CIBAR2: variants seen among roughly 807,000 people sequenced by gnomAD.
CIBAR2 encodes the protein CBY1 interacting BAR domain containing 2, also known as CBY1-interacting BAR domain-containing protein 2.
CIBAR2 carries 38 observed loss-of-function variants against 36.2 expected under a neutral mutation model. That is an observed-to-expected ratio of 1.05 (90% CI 0.81 to 1.38). The LOEUF (loss-of-function observed/expected upper bound fraction) is 1.38. CIBAR2 is among the 40% of genes most tolerant of loss of function. The pLI is 0.00. For missense variants in CIBAR2, 481 were observed against 383.4 expected (o/e 1.25, Z -2.13); for synonymous variants, 182 against 149.5 (o/e 1.22, Z -1.58).
chr16:85,099,654 C>G (rs550779650), intron 8 of CIBAR2, among the ~76,000 whole-genome samples: 1 of 150,868 alleles, frequency 6.6e-6, no homozygotes, highest in Non-Finnish European at 1.5e-5. Context: ...GACAGAGTCT[C>G]GCTCTGTAAC....
intron 6 of CIBAR2, among the ~76,000 whole-genome samples, chr16:85,104,573 G>A (rs987325918): frequency 1.3e-5 from 2 of 152,154 alleles, no homozygotes; most frequent in Non-Finnish European, 2.9e-5. Context: ...AAAATTAGCT[G>A]GGCGTGGTGG....
Position 85,099,176 on chromosome 16 carries a change from C to T in CIBAR2, c.*9G>A. The stretch of plus-strand genomic sequence containing the variant: ...TTAAACGGCTTGGGATTGCACTTAC[C>T]CTACGTCGTTAGAGAGAATGTCCTG... On this transcript the variant is annotated 3_prime_UTR_variant, in exon 9 of 9. Transcript: ENST00000539556. 6.4e-7 allele frequency: 1 copy of T among 1,551,230 alleles called. No homozygotes were observed. The highest frequency in any genetic ancestry group is 8.7e-7 in the Non-Finnish European group (1 of 1,151,028).
At chr16:85,107,387 G>C (rs1032600914) in intron 5 of CIBAR2, among the ~76,000 whole-genome samples, 10 of 152,112 alleles carry the variant, frequency 6.6e-5, no homozygotes, top group African/African-American at 2.4e-4. Flanking sequence ...GTAGACGATG[G>C]GGATGAGGCT....
At position 85,098,537 on chromosome 16, in the gene CIBAR2, A is replaced by G; in HGVS notation, c.*648T>C. 6 of 986,148 alleles carry G rather than the reference A, an allele frequency of 6.1e-6. No individual in the cohort carries two copies. Among genetic ancestry groups the G allele is most frequent in the Non-Finnish European group, 6.0e-6 (5 of 830,170 alleles). The allele number at this position is 986,148 out of a possible 1,614,324, so 61.1% of individuals were successfully genotyped here. On this transcript the variant is annotated 3_prime_UTR_variant, in exon 9 of 9. Coordinates refer to ENST00000539556, the MANE Select transcript of CIBAR2 (RefSeq NM_198491.3). The stretch of plus-strand genomic sequence containing the variant: ...CCCACCTGAGGATCCAAGGCCAGCT[A>G]AGTTCTTCTGACTGTTGTGGGCAGT...
chr16:85,108,115 C>A lies in CIBAR2; in HGVS notation c.256-16G>T, dbSNP rs1262879280. 3 of 1,601,236 alleles carry A rather than the reference C, an allele frequency of 1.9e-6. No homozygotes were observed. Among genetic ancestry groups the A allele is most frequent in the Non-Finnish European group, 2.6e-6 (3 of 1,174,046 alleles). On this transcript the variant is annotated splice_polypyrimidine_tract_variant and intron_variant, in intron 2 of 8. Transcript: ENST00000539556. ...GCCTCTCGACCTGGGGGAGCGGGGA[C>A]ACCAGGGGATCTGAGCGCAGGGTGC... is the stretch of plus-strand genomic sequence containing the variant.
intron 5 of CIBAR2, among the ~76,000 whole-genome samples, chr16:85,106,000 C>G (rs1222631392): frequency 6.6e-6 from 1 of 152,168 alleles, no homozygotes; most frequent in African/African-American, 2.4e-5. Flanking sequence ...TTTCAGATTC[C>G]TCTTTAAAAT....
At chr16:85,107,773 A>C in intron 4 of CIBAR2, 73 bp downstream of exon 4, 1 of 1,588,784 alleles carries the variant, frequency 6.3e-7, no homozygotes, top group Middle Eastern at 1.7e-4. Flanking sequence ...AGGCAAAGAA[A>C]ACCTCAGAAG....
At position 85,108,024 on chromosome 16, in the gene CIBAR2, G is replaced by A. The variant is rs759415330; in HGVS notation, c.324+7C>T. The A allele has an allele frequency of 2.5e-5, 40 of 1,613,614 alleles. No individual in the cohort carries two copies. Among genetic ancestry groups the A allele is most frequent in the Middle Eastern group, 1.6e-4 (1 of 6,084 alleles). ...GATGCCACCCACACCGAGGTGCCCC[G>A]GCTCACCCGTGTCTGCTTGATCTGT... On this transcript the variant is annotated splice_region_variant and intron_variant, in intron 3 of 8. Coordinates refer to ENST00000539556, the MANE Select transcript of CIBAR2 (RefSeq NM_198491.3).
chr16:85,110,647 C>T (rs940655004), intron 1 of CIBAR2, among the ~76,000 whole-genome samples, 187 bp from the exon 2 acceptor site: 5 of 151,442 alleles, frequency 3.3e-5, no homozygotes, highest in African/African-American at 1.2e-4. Context: ...GGGGGATCTG[C>T]CTGGGCTGGT....
Position 85,112,347 on chromosome 16 carries a change from G to A in CIBAR2, c.6C>T (p.Asn2=). 6.2e-7 allele frequency: 1 copy of A among 1,613,990 alleles called. No homozygotes were observed. The highest frequency in any genetic ancestry group is 8.5e-7 in the Non-Finnish European group (1 of 1,179,948). The change falls in exon 1 of 9, where the codon AAC becomes AAT. Residue 2 remains asparagine (N), a synonymous_variant. Coordinates refer to ENST00000539556, the MANE Select transcript of CIBAR2 (RefSeq NM_198491.3). ...GGCCCACTCACCTGGAGAAGACGAT[G>A]TTCATTGTGACCAGAGCTTTGGCTG... M[N]IVFSRDSQVR...
At chr16:85,103,599 C>G (rs1258128690) in intron 6 of CIBAR2, among the ~76,000 whole-genome samples, 2 of 152,196 alleles carry the variant, frequency 1.3e-5, no homozygotes, top group Admixed American at 1.3e-4. Context: ...CCCACCCAGC[C>G]CCAGACACAT....
At chr16:85,108,344 C>G (rs1283027318) in intron 2 of CIBAR2, among the ~76,000 whole-genome samples, 1 of 152,170 alleles carries the variant, frequency 6.6e-6, no homozygotes, top group Non-Finnish European at 1.5e-5. Context: ...CCTCACCTGT[C>G]AAATGAGGTC....
At chr16:85,111,843 C>T (rs1053328400) in intron 1 of CIBAR2, among the ~76,000 whole-genome samples, 1 of 152,128 alleles carries the variant, frequency 6.6e-6, no homozygotes, top group African/African-American at 2.4e-5. Context: ...GAGTGAGAGT[C>T]CATCTCAAAA....
At chr16:85,101,066 A>G (rs947566658) in intron 7 of CIBAR2, among the ~76,000 whole-genome samples, 10 of 148,680 alleles carry the variant, frequency 6.7e-5, no homozygotes, top group African/African-American at 2.5e-4. Context: ...AAAAATGGTG[A>G]CACTCCCTCT....
At chr16:85,102,361 C>G (rs368794593) in intron 6 of CIBAR2, 34 bp from the exon 7 acceptor site, 2 of 1,361,106 alleles carry the variant, frequency 1.5e-6, no homozygotes, top group African/African-American at 2.9e-5. Context: ...ATGTAAGCAT[C>G]GCAGTGAGAA....
chr16:85,098,443 G>T lies in CIBAR2; in HGVS notation c.*742C>A. 1.3e-6 allele frequency: 1 copy of T among 749,432 alleles called. No homozygotes were observed. Among genetic ancestry groups the T allele is most frequent in the Non-Finnish European group, 1.6e-6 (1 of 613,750 alleles). 46.4% of individuals were successfully genotyped at this position (749,432 alleles called of 1,614,324 possible). A position where few individuals can be genotyped will look rare whatever the true frequency, so the allele number is the denominator to read the frequency against. On this transcript the variant is annotated 3_prime_UTR_variant, in exon 9 of 9. Transcript: ENST00000539556. ...GCAACCTGTGAAGTGAGTGATATTG[G>T]CCCTGTTGTACAGATGAGGAAACTG...
In CIBAR2 at chr16:85,107,601, G is replaced by A. The variant is rs189692646; in HGVS notation, c.432+66C>T. 2.2e-4 allele frequency: 347 copies of A among 1,572,928 alleles called. 2 individuals carry two copies. The East Asian group carries it at 4.0e-3, about 18-fold the overall frequency. ...CAGACCAGGTAAAGTCTACCTGGCC[G>A]TTTTGTGAGGTCGTGTATTTCCTAC... On this transcript the variant is annotated intron_variant, in intron 5 of 8. Coordinates refer to ENST00000539556, the MANE Select transcript of CIBAR2 (RefSeq NM_198491.3).
intron 2 of CIBAR2, 135 bp downstream of exon 2, chr16:85,110,091 C>T: frequency 8.0e-6 from 5 of 625,518 alleles, no homozygotes. Context: ...TGTAAATGTC[C>T]ATTGTCGGTG....
chr16:85,101,175 T>C (rs2073952702), intron 7 of CIBAR2, among the ~76,000 whole-genome samples: 1 of 152,210 alleles, frequency 6.6e-6, no homozygotes, highest in Non-Finnish European at 1.5e-5. Flanking sequence ...TGGCAGGCTT[T>C]GTGGGGTGTA....
Sources: allele counts gnomAD v4.1 joint callset (sites outside exome capture counted in the v4.1 genomes callset), GRCh38; gene constraint gnomAD v4.1.1; transcripts MANE v1.5; gene names NCBI Gene and HGNC (gene_info 2026-07-23, HGNC 2026-07-21).